The following ZNF710 variants were observed in gnomAD, a reference collection of about 807,000 sequenced individuals.
The protein encoded by ZNF710 is zinc finger protein 710.
ZNF710 carries 13 observed loss-of-function variants against 50.6 expected under a neutral mutation model. The ratio of observed to expected loss-of-function variants is 0.26; its 90% CI spans 0.17 to 0.41. The LOEUF (loss-of-function observed/expected upper bound fraction) is 0.41, where lower values mean the gene tolerates loss of function less well. ZNF710 is among the 10% of genes least tolerant of loss of function. The probability of loss-of-function intolerance (pLI) is 1.00; values close to 1 mark genes in which losing one functional copy is unlikely to be tolerated. For synonymous variants in ZNF710, 383 were observed against 397.0 expected, an observed-to-expected ratio of 0.96 and a Z score of 0.42; for missense variants, 721 against 936.6, an observed-to-expected ratio of 0.77 and a Z score of 3.01.
At position 90,068,636 on chromosome 15, in the gene ZNF710, C is replaced by T. The variant is rs187696629; in HGVS notation, c.1458+41C>T. On this transcript the variant is annotated intron_variant, in intron 2 of 4. Coordinates refer to ENST00000268154, the MANE Select transcript of ZNF710 (RefSeq NM_198526.4). This position sits in a 1 kb window ranked among gnomAD's most constrained non-coding sequence, Gnocchi z 5.0. ...GGGCCTGGGCATCTGCCTGCCCCTC[C>T]TGCCACTTTTTCATCCAGTACTTTC... The T allele has an allele frequency of 6.5e-7, 1 of 1,543,162 alleles. No homozygotes were observed. The highest frequency in any genetic ancestry group is 2.3e-5 in the East Asian group (1 of 44,266).
chr15:90,039,776 C>G (rs1199029246), intron 1 of ZNF710, among the ~76,000 whole-genome samples: 1 of 152,170 alleles, frequency 6.6e-6, no homozygotes, highest in Non-Finnish European at 1.5e-5. Context: ...TGGGTTTCCT[C>G]TGCATCTGCC....
Position 90,034,377 on chromosome 15 carries a change from T to C in ZNF710, c.-28-32733T>C, listed in dbSNP as rs1462023282. On this transcript the variant is annotated intron_variant, in intron 1 of 4. Coordinates refer to ENST00000268154, the MANE Select transcript of ZNF710 (RefSeq NM_198526.4). This position sits in a 1 kb window ranked among gnomAD's most constrained non-coding sequence, Gnocchi z 4.0. ...GTCTATGTTATTTGAAAAAGTGGATTGCATTGTGGGTCCCCAGAAGTTGCC... is the reference window on the plus strand; with the variant it reads ...GTCTATGTTATTTGAAAAAGTGGATCGCATTGTGGGTCCCCAGAAGTTGCC... Among the ~76,000 whole-genome samples the C allele has an allele frequency of 1.3e-5, 2 of 151,796 alleles. No homozygotes were observed. Among genetic ancestry groups the C allele is most frequent in the African/African-American group, 4.8e-5 (2 of 41,288 alleles).
chr15:90,006,512 G>A (rs937040898), intron 1 of ZNF710, among the ~76,000 whole-genome samples: 1 of 152,136 alleles, frequency 6.6e-6, no homozygotes, highest in African/African-American at 2.4e-5. Flanking sequence ...TGGGAGGCAG[G>A]CATTAAACTA....
chr15:90,042,367 C>T (rs929462032), intron 1 of ZNF710, among the ~76,000 whole-genome samples: 3 of 151,736 alleles, frequency 2.0e-5, no homozygotes, highest in Non-Finnish European at 4.4e-5. Flanking sequence ...CCCCTCCAGG[C>T]AGCATTAGGT....
intron 1 of ZNF710, among the ~76,000 whole-genome samples, chr15:90,013,819 C>G (rs547270580): frequency 6.6e-6 from 1 of 152,306 alleles, no homozygotes; most frequent in East Asian, 1.9e-4. Context: ...GCCTTCCCCA[C>G]ACCATATGTT....
Position 90,073,283 on chromosome 15 carries a change from G to A in ZNF710, c.1650+21G>A, listed in dbSNP as rs376690499. On this transcript the variant is annotated intron_variant, in intron 3 of 4. Transcript: ENST00000268154. Reference sequence around the variant, plus strand: ...GCAAGGTACCCGGTCATCAGGCCCCGGGGCTGGGACCTCCCCGAGGGTGGT... The same window carrying A: ...GCAAGGTACCCGGTCATCAGGCCCCAGGGCTGGGACCTCCCCGAGGGTGGT... 5.1e-5 allele frequency: 82 copies of A among 1,606,086 alleles called. No homozygotes were observed. The Middle Eastern group carries it at 9.9e-4, about 19-fold the overall frequency.
chr15:90,046,672 T>C (rs1899471922), intron 1 of ZNF710, among the ~76,000 whole-genome samples: 1 of 152,138 alleles, frequency 6.6e-6, no homozygotes, highest in Non-Finnish European at 1.5e-5. Flanking sequence ...AGCCCCGTGA[T>C]ATGGTGCTGA....
intron 2 of ZNF710, among the ~76,000 whole-genome samples, chr15:90,071,302 C>T (rs573671720): frequency 1.3e-5 from 2 of 150,746 alleles, no homozygotes; most frequent in Middle Eastern, 3.5e-3. Context: ...AGTGTTAATA[C>T]TGTGAAGAAA....
rs748054241 is a variant in ZNF710, at chr15:90,068,952, G to T, written c.1458+357G>T. Among the ~76,000 whole-genome samples the T allele has an allele frequency of 1.3e-5, 2 of 152,016 alleles. No homozygotes were observed. The highest frequency in any genetic ancestry group is 6.6e-5 in the Admixed American group (1 of 15,258). On this transcript the variant is annotated intron_variant, in intron 2 of 4. Transcript: ENST00000268154. The surrounding 1 kb of genome is among the most constrained non-coding windows in gnomAD (Gnocchi z 5.0). ...TACAAAAAAATTTAAACATGGCTAG[G>T]CGTGATGGCTCATGCCTGTAATCCC... is the stretch of plus-strand genomic sequence containing the variant.
intron 1 of ZNF710, among the ~76,000 whole-genome samples, chr15:90,053,053 G>C (rs1256827982): frequency 2.6e-5 from 4 of 152,260 alleles, no homozygotes; most frequent in Non-Finnish European, 4.4e-5. Flanking sequence ...AAATTAGAAA[G>C]AGGTGGCAAC....
intron 1 of ZNF710, among the ~76,000 whole-genome samples, chr15:90,007,691 G>C (rs1050757619): frequency 6.6e-5 from 10 of 150,718 alleles, no homozygotes; most frequent in Admixed American, 6.7e-5. Context: ...TCAGAGCCAG[G>C]ATTAGAACCC....
intron 1 of ZNF710, among the ~76,000 whole-genome samples, chr15:90,065,628 G>T (rs958557113): frequency 3.0e-4 from 45 of 152,224 alleles, no homozygotes; most frequent in African/African-American, 1.1e-3. Flanking sequence ...AAAAGACCGG[G>T]CTCCACAGAC....
intron 1 of ZNF710, among the ~76,000 whole-genome samples, chr15:90,020,770 C>T (rs1898592983): frequency 6.6e-6 from 1 of 152,240 alleles, no homozygotes; most frequent in African/African-American, 2.4e-5. Flanking sequence ...GGGATGAGAT[C>T]TCTTATCTGC....
At chr15:90,026,266 C>A (rs67024503) in intron 1 of ZNF710, among the ~76,000 whole-genome samples, 68,846 of 111,900 alleles carry the variant, frequency 0.62, 22,362 homozygotes, top group African/African-American at 0.75. Context: ...ACAACAACAA[C>A]AACAAAAAAA....
rs1463516508 is a variant in ZNF710 at position 90,081,439 on chromosome 15, C to T, written c.*1610C>T. 6.6e-6 allele frequency: 1 copy of T among 152,286 alleles called. No individual in the cohort carries two copies. The highest frequency in any genetic ancestry group is 1.5e-5 in the Non-Finnish European group (1 of 68,104). 9.4% of individuals were successfully genotyped at this position (152,286 alleles called of 1,614,324 possible). ...CTAGAAACCCGGAGAAGGGAACAGC[C>T]TGCGGTGGGAGGAACCAATCTGCAG... On this transcript the variant is annotated 3_prime_UTR_variant, in exon 5 of 5. Transcript: ENST00000268154.
intron 1 of ZNF710, among the ~76,000 whole-genome samples, chr15:90,049,072 G>A (rs1899556654): frequency 6.6e-6 from 1 of 152,168 alleles, no homozygotes. Flanking sequence ...CAAATGTTTA[G>A]GGGCCCTGGG....
At chr15:90,047,600 T>TTC (rs1462492565) in intron 1 of ZNF710, among the ~76,000 whole-genome samples, 1 of 151,418 alleles carries the variant, frequency 6.6e-6, no homozygotes, top group East Asian at 1.9e-4. Flanking sequence ...CTTTTTTTTT[T>TTC]TTTGAGACAG....
At chr15:90,009,949 CT>C in intron 1 of ZNF710, among the ~76,000 whole-genome samples, 1 of 152,306 alleles carries the variant, frequency 6.6e-6, no homozygotes, top group East Asian at 1.9e-4. Flanking sequence ...GTGACTTCCT[CT>C]TACCTGACTT....
At chr15:89,999,254 G>GC (rs112866007), upstream of ZNF710, among the ~76,000 whole-genome samples, 18,599 of 152,238 alleles carry the variant, frequency 0.12, 3,014 homozygotes, top group African/African-American at 0.38. Flanking sequence ...CACTGAGGTT[G>GC]CTGTCTTCTT....
Sources: allele counts gnomAD v4.1 joint callset (sites outside exome capture counted in the v4.1 genomes callset), GRCh38; gene constraint gnomAD v4.1.1; non-coding constraint Gnocchi (gnomAD v3.1); transcripts MANE v1.5; gene names NCBI Gene and HGNC (gene_info 2026-07-23, HGNC 2026-07-21).